Variants in LCP2 observed in about 807,000 individuals in gnomAD.
LCP2 encodes 76 kDa tyrosine phosphoprotein.
LCP2 carries 29 observed loss-of-function variants against 74.5 expected under a neutral mutation model. The ratio of observed to expected loss-of-function variants is 0.39; its 90% CI spans 0.29 to 0.53. The LOEUF is 0.53. Among genes scored for constraint, LCP2 ranks in the 20% least tolerant of loss-of-function variants. The pLI is 0.72. For missense variants in LCP2, 604 were observed against 634.6 expected (o/e 0.95, Z 0.52); for synonymous variants, 228 against 229.5 (o/e 0.99, Z 0.06).
chr5:170,273,683 A>G (rs892516615), intron 6 of LCP2: 3 of 153,142 alleles, frequency 2.0e-5, no homozygotes, highest in Non-Finnish European at 2.9e-5. Flanking sequence ...AGACTGCTTC[A>G]TGGGTGGTGA....
At chr5:170,263,080 T>C in intron 10 of LCP2, 88 bp from the exon 11 acceptor site, 1 of 1,468,704 alleles carries the variant, frequency 6.8e-7, no homozygotes. Flanking sequence ...ACTATGAGTC[T>C]GAACCCTCTT....
At chr5:170,288,136 G>T in intron 2 of LCP2, 120 bp from the exon 3 acceptor site, 1 of 1,014,086 alleles carries the variant, frequency 9.9e-7, no homozygotes, top group Non-Finnish European at 1.5e-6. Context: ...AAACAGAGGA[G>T]AAACCGCCCT....
At chr5:170,287,854 A>G (rs1215309517) in intron 3 of LCP2, 116 bp downstream of exon 3, 21 of 933,844 alleles carry the variant, frequency 2.2e-5, no homozygotes, top group Non-Finnish European at 3.6e-5. Context: ...CATCCTTCCT[A>G]CTTGCTTTCT....
Position 170,248,707 on chromosome 5 carries a change from C to T in LCP2, c.1592G>A (p.Gly531Glu), listed in dbSNP as rs2113141979. The T allele has an allele frequency of 1.2e-6, 2 of 1,611,834 alleles. No homozygotes were observed. The highest frequency in any genetic ancestry group is 2.2e-5 in the South Asian group (2 of 90,720). ...CTCGGCTATAACTTGCTATGGGTACCCTGCAGCATGCGTTAATGTGCACTG... is the reference window on the plus strand; with the variant it reads ...CTCGGCTATAACTTGCTATGGGTACTCTGCAGCATGCGTTAATGTGCACTG... ...RYQCTLTHAA[G>E]YP The change falls in exon 21 of 21, where the codon GGG becomes GAG. Residue 531 changes from glycine (G) to glutamate (E), a missense_variant. Physicochemically the swap from Gly to Glu is moderately conservative, Grantham distance 98 (BLOSUM62 -2). Transcript: ENST00000046794.
In LCP2 at chr5:170,266,858, G is replaced by A; in HGVS notation, c.722C>T (p.Pro241Leu). ...PAPSIDRSTK[P>L]PLDRSLAPFD... is the part of the protein sequence containing the mutation. ...CGGAGCTAATGAACGATCTAGGGGA[G>A]GTTTCGTGCTTCTGTCTATTGAAGG... The change falls in exon 10 of 21, where the codon CCT becomes CTT. Residue 241 changes from proline (P) to leucine (L), a missense_variant. Transcript: ENST00000046794. 6.2e-7 allele frequency: 1 copy of A among 1,613,994 alleles called. No homozygotes were observed. Among genetic ancestry groups the A allele is most frequent in the East Asian group, 2.2e-5 (1 of 44,878 alleles).
chr5:170,261,389 A>ATGTGTGTG (rs1554139945), intron 13 of LCP2, among the ~76,000 whole-genome samples: 1 of 146,274 alleles, frequency 6.8e-6, no homozygotes, highest in Non-Finnish European at 1.5e-5. Flanking sequence ...GCAAATAATT[A>ATGTGTGTG]TGTGTGTGTG....
chr5:170,262,559 C>T lies in LCP2; in HGVS notation c.926+76G>A, dbSNP rs1188177377. 5.4e-6 allele frequency: 6 copies of T among 1,107,314 alleles called. No homozygotes were observed. In the East Asian group the frequency reaches 7.6e-5, roughly 14 times the overall value. The allele number at this position is 1,107,314 out of a possible 1,614,324, so 68.6% of individuals were successfully genotyped here. On this transcript the variant is annotated intron_variant, in intron 13 of 20. Transcript: ENST00000046794. The stretch of plus-strand genomic sequence containing the variant: ...GGGAGCACCGAGGAGCCTCGGTTCC[C>T]ACTGCAGAGTCAGCACAGGGCAGCC...
intron 6 of LCP2, among the ~76,000 whole-genome samples, chr5:170,271,464 G>A (rs1318978895): frequency 1.2e-4 from 18 of 152,158 alleles, no homozygotes; most frequent in Admixed American, 1.2e-3. Context: ...ACCGTCAGAG[G>A]CTGTGCTGTT....
At chr5:170,267,195 A>T (rs1039860529) in intron 8 of LCP2, 120 bp from the exon 9 acceptor site, 13 of 1,011,854 alleles carry the variant, frequency 1.3e-5, no homozygotes, top group Non-Finnish European at 1.8e-5. Flanking sequence ...ACAAACATCC[A>T]TGTCCATTTC....
chr5:170,247,012 T>C lies in LCP2; in HGVS notation c.*1685A>G, dbSNP rs1314265356. 1 of 152,238 alleles carries C rather than the reference T, an allele frequency of 6.6e-6. No individual in the cohort carries two copies. The highest frequency in any genetic ancestry group is 2.4e-5 in the African/African-American group (1 of 41,460). 9.4% of individuals were successfully genotyped at this position (152,238 alleles called of 1,614,324 possible). A position where few individuals can be genotyped will look rare whatever the true frequency, so the allele number is the denominator to read the frequency against. ...TTTATAAACATGATTCGCTACCAAA[T>C]AGTTGCTTTGAAATCTATCAGGTCC... On this transcript the variant is annotated 3_prime_UTR_variant, in exon 21 of 21. Transcript: ENST00000046794.
chr5:170,290,061 G>A (rs991293825), intron 2 of LCP2, among the ~76,000 whole-genome samples: 1 of 152,162 alleles, frequency 6.6e-6, no homozygotes, highest in East Asian at 1.9e-4. Context: ...CAAGAACTGT[G>A]AGGAAAGATG....
At chr5:170,288,483 A>G (rs141809663) in intron 2 of LCP2, among the ~76,000 whole-genome samples, 35 of 152,314 alleles carry the variant, frequency 2.3e-4, no homozygotes, top group African/African-American at 7.5e-4. Flanking sequence ...CATCCCAGAG[A>G]ACCTCTTTCA....
rs1384221146 is a variant in LCP2 at position 170,289,685 on chromosome 5, CTTTCTT to C, written c.142-1675_142-1670del. ...TCTTTCTTTCTTTCTCTCTCTCTCT[CTTTCTT>C]TCTTTCTTTCCTTCTTTCTTTCTTT... On this transcript the variant is annotated intron_variant, in intron 2 of 20. Transcript: ENST00000046794. 7.7e-3 allele frequency among the ~76,000 whole-genome samples: 987 copies of C among 128,690 alleles called. 17 individuals carry two copies. Among genetic ancestry groups the C allele is most frequent in the African/African-American group, 0.027 (916 of 33,872 alleles). 84.4% of individuals were successfully genotyped at this position (128,690 alleles called of 152,430 possible). A position where few individuals can be genotyped will look rare whatever the true frequency, so the allele number is the denominator to read the frequency against.
intron 3 of LCP2, among the ~76,000 whole-genome samples, chr5:170,277,934 G>A (rs1321948897): frequency 2.0e-5 from 3 of 151,948 alleles, no homozygotes; most frequent in East Asian, 1.9e-4. Context: ...CAGAGAGAGC[G>A]AGGCTTTAAG....
chr5:170,249,479 C>A (rs1333387701), intron 20 of LCP2, among the ~76,000 whole-genome samples: 5 of 151,268 alleles, frequency 3.3e-5, no homozygotes, highest in Admixed American at 6.6e-5. Flanking sequence ...AATATTCTTG[C>A]CTCGGGTTGC....
rs1183853248 is a variant in LCP2 at position 170,248,698 on chromosome 5, T to C, written c.1601A>G (p.Ter534TrpextTer29). ...CTLTHAAGYP[*>W] ...GTTCATTTGCTCGGCTATAACTTGCTATGGGTACCCTGCAGCATGCGTTAA... is the reference window on the plus strand; with the variant it reads ...GTTCATTTGCTCGGCTATAACTTGCCATGGGTACCCTGCAGCATGCGTTAA... The change falls in exon 21 of 21, where the codon TAG becomes TGG. Residue 534 changes from the stop codon to tryptophan, a stop_lost. Transcript: ENST00000046794. The C allele has an allele frequency of 1.9e-6, 3 of 1,612,074 alleles. No homozygotes were observed. Among genetic ancestry groups the C allele is most frequent in the Non-Finnish European group, 2.5e-6 (3 of 1,178,978 alleles).
chr5:170,275,688 G>C (rs1761994343), intron 4 of LCP2, 107 bp downstream of exon 4: 1 of 952,646 alleles, frequency 1.0e-6, no homozygotes, highest in African/African-American at 1.6e-5. Context: ...GGGATTCAGG[G>C]GACAAATGCA....
rs1761999544 is a variant in LCP2 at position 170,275,928 on chromosome 5, GAT to G, written c.189-70_189-69del. ...AGTCTCAACCTTCCCCCTGACCCTTGATATCCCCTGGTCTATAGAAACTTGGG... is the reference window on the plus strand; with the variant it reads ...AGTCTCAACCTTCCCCCTGACCCTTGATCCCCTGGTCTATAGAAACTTGGG... On this transcript the variant is annotated intron_variant, in intron 3 of 20. Transcript: ENST00000046794. 21 of 1,362,004 alleles carry G rather than the reference GAT, an allele frequency of 1.5e-5. No individual in the cohort carries two copies. In the South Asian group the frequency reaches 2.4e-4, roughly 15 times the overall value. The allele number at this position is 1,362,004 out of a possible 1,614,324, so 84.4% of individuals were successfully genotyped here. A position where few individuals can be genotyped will look rare whatever the true frequency, so the allele number is the denominator to read the frequency against.
chr5:170,279,327 G>C (rs1411209272), intron 3 of LCP2, among the ~76,000 whole-genome samples: 3 of 152,172 alleles, frequency 2.0e-5, no homozygotes, highest in African/African-American at 7.2e-5. Flanking sequence ...CATCTTCTCA[G>C]TCTAAGGTCT....
Sources: allele counts gnomAD v4.1 joint callset (sites outside exome capture counted in the v4.1 genomes callset), GRCh38; gene constraint gnomAD v4.1.1; transcripts MANE v1.5; gene names NCBI Gene and HGNC (gene_info 2026-07-23, HGNC 2026-07-21).